CLSTN2: variants seen among roughly 807,000 people sequenced by gnomAD.
CLSTN2 encodes the protein calsyntenin-2.
A neutral mutation model predicts 101.2 loss-of-function variants in CLSTN2; 48 were observed. The observed-to-expected ratio is 0.47, with a 90% CI of 0.38 to 0.60. CLSTN2 has a LOEUF of 0.60. CLSTN2 is among the 20% of genes least tolerant of loss of function. The pLI is 0.00. For missense variants in CLSTN2, 1,160 were observed against 1,238.2 expected, an observed-to-expected ratio of 0.94 and a Z score of 0.95; for synonymous variants, 481 against 463.6, an observed-to-expected ratio of 1.04 and a Z score of -0.48.
intron 2 of CLSTN2, among the ~76,000 whole-genome samples, chr3:140,263,135 C>G (rs2086668072): frequency 6.6e-6 from 1 of 151,454 alleles, no homozygotes; most frequent in African/African-American, 2.4e-5. Flanking sequence ...AGAGGATAGC[C>G]TGGCTTAGTC....
chr3:140,243,311 A>G (rs975904703), intron 2 of CLSTN2, among the ~76,000 whole-genome samples: 5 of 152,168 alleles, frequency 3.3e-5, no homozygotes, highest in Admixed American at 6.5e-5. Flanking sequence ...GAGACTCAAT[A>G]TTTTTATCCA....
intron 1 of CLSTN2, among the ~76,000 whole-genome samples, chr3:140,133,356 G>A (rs1052299628): frequency 6.6e-6 from 1 of 152,196 alleles, no homozygotes; most frequent in Non-Finnish European, 1.5e-5. Context: ...GAGATTTGGA[G>A]AGGATAAATA....
At chr3:140,055,310 A>T (rs1251586227) in intron 1 of CLSTN2, among the ~76,000 whole-genome samples, 2 of 152,136 alleles carry the variant, frequency 1.3e-5, no homozygotes, top group African/African-American at 4.8e-5. Context: ...TTTTCACCTG[A>T]TTTTGAGCCA....
chr3:140,131,334 G>A (rs1333830792), intron 1 of CLSTN2, among the ~76,000 whole-genome samples: 2 of 151,554 alleles, frequency 1.3e-5, no homozygotes, highest in East Asian at 1.9e-4. Context: ...ATTCTCTAAG[G>A]TCATTTTTTG....
chr3:139,942,478 G>A (rs557357985), intron 1 of CLSTN2, among the ~76,000 whole-genome samples: 24 of 152,236 alleles, frequency 1.6e-4, no homozygotes, highest in African/African-American at 5.1e-4. Context: ...TTCTGACTCC[G>A]TTTTAGGCCA....
chr3:140,562,438 G>A (rs1229918867), intron 13 of CLSTN2, 130 bp downstream of exon 13: 1 of 921,282 alleles, frequency 1.1e-6, no homozygotes, highest in African/African-American at 1.7e-5. Context: ...GAGATCCTTG[G>A]CCTCAAGCAT....
At chr3:140,281,063 C>A (rs937767473) in intron 2 of CLSTN2, among the ~76,000 whole-genome samples, 3 of 152,312 alleles carry the variant, frequency 2.0e-5, no homozygotes, top group South Asian at 4.1e-4. Context: ...GGTTGAGTTT[C>A]TCAAAGTTTC....
chr3:140,204,631 A>G (rs995855833), intron 2 of CLSTN2, among the ~76,000 whole-genome samples: 8 of 146,210 alleles, frequency 5.5e-5, no homozygotes, highest in Admixed American at 5.3e-4. Context: ...GAGTGGCGGT[A>G]AGCTCTGGAA....
intron 1 of CLSTN2, among the ~76,000 whole-genome samples, chr3:139,997,580 T>A (rs886841630): frequency 2.0e-5 from 3 of 152,204 alleles, no homozygotes; most frequent in African/African-American, 7.2e-5. Context: ...TAAGACAGAA[T>A]GGCATTCTAG....
chr3:140,260,938 G>A (rs1053645602), intron 2 of CLSTN2, among the ~76,000 whole-genome samples: 3 of 152,100 alleles, frequency 2.0e-5, no homozygotes, highest in African/African-American at 7.2e-5. Flanking sequence ...TGGTTTATGG[G>A]TTATGAGAGT....
At chr3:140,471,038 A>C (rs957929404) in intron 8 of CLSTN2, among the ~76,000 whole-genome samples, 1 of 152,200 alleles carries the variant, frequency 6.6e-6, no homozygotes, top group African/African-American at 2.4e-5. Context: ...ATCTATTACC[A>C]GGCAGCTCCA....
At chr3:139,999,152 A>G (rs2006762231) in intron 1 of CLSTN2, among the ~76,000 whole-genome samples, 1 of 152,108 alleles carries the variant, frequency 6.6e-6, no homozygotes, top group Non-Finnish European at 1.5e-5. Flanking sequence ...GGCCCCAAGG[A>G]CCCTGAAGTT....
chr3:140,046,398 T>C, intron 1 of CLSTN2, among the ~76,000 whole-genome samples: 1 of 152,216 alleles, frequency 6.6e-6, no homozygotes, highest in Non-Finnish European at 1.5e-5. Flanking sequence ...ATTTTGAGCC[T>C]GTGTGTGTCT....
At chr3:140,462,261 T>C (rs1274071834) in intron 7 of CLSTN2, among the ~76,000 whole-genome samples, 3 of 152,224 alleles carry the variant, frequency 2.0e-5, no homozygotes, top group Non-Finnish European at 4.4e-5. Flanking sequence ...TGTGATAAAA[T>C]ATTTTTAAAA....
intron 12 of CLSTN2, 38 bp from the exon 13 acceptor site, chr3:140,562,100 C>G: frequency 6.3e-7 from 1 of 1,597,980 alleles, no homozygotes; most frequent in South Asian, 1.1e-5. Flanking sequence ...TCTGAGCTGT[C>G]CTTCATGCCT....
intron 2 of CLSTN2, among the ~76,000 whole-genome samples, chr3:140,306,979 C>G (rs2107913904): frequency 1.3e-5 from 2 of 151,842 alleles, no homozygotes; most frequent in East Asian, 3.9e-4. Flanking sequence ...GTGGAAGGTA[C>G]CTGGTGGGAG....
intron 2 of CLSTN2, among the ~76,000 whole-genome samples, chr3:140,386,032 C>T (rs964612872): frequency 4.6e-5 from 7 of 152,154 alleles, no homozygotes; most frequent in African/African-American, 1.7e-4. Flanking sequence ...ATGAGTTTCA[C>T]CTTCAGCATG....
intron 2 of CLSTN2, among the ~76,000 whole-genome samples, chr3:140,226,705 C>T (rs1029114905): frequency 3.3e-5 from 5 of 152,156 alleles, no homozygotes; most frequent in African/African-American, 1.2e-4. Context: ...CTGATAAAGA[C>T]ATACCCAAGG....
chr3:140,114,870 A>G (rs745717728), intron 1 of CLSTN2, among the ~76,000 whole-genome samples: 1 of 152,030 alleles, frequency 6.6e-6, no homozygotes, highest in Non-Finnish European at 1.5e-5. Flanking sequence ...CATTGTTAAC[A>G]TGGTTAATAT....
Sources: gnomAD v4.1 joint callset for allele counts (sites outside exome capture counted in the v4.1 genomes callset) on GRCh38, gnomAD v4.1.1 for gene constraint, MANE v1.5 for transcripts, NCBI Gene and HGNC (gene_info 2026-07-23, HGNC 2026-07-21) for gene names.